SLC35F1: variants seen among roughly 807,000 people sequenced by gnomAD.
SLC35F1 encodes the protein chromosome 6 open reading frame 169.
SLC35F1 carries 14 observed loss-of-function variants against 48.7 expected under a neutral mutation model. That is an observed-to-expected ratio of 0.29 (90% CI 0.19 to 0.45). The LOEUF (loss-of-function observed/expected upper bound fraction) is 0.45. Among genes scored for constraint, SLC35F1 ranks in the 20% least tolerant of loss-of-function variants. The pLI is 1.00. For missense variants in SLC35F1, 404 were observed against 500.0 expected, an observed-to-expected ratio of 0.81 and a Z score of 1.83; for synonymous variants, 190 against 202.2, an observed-to-expected ratio of 0.94 and a Z score of 0.51.
chr6:118,236,305 A>G (rs893526655), intron 3 of SLC35F1, among the ~76,000 whole-genome samples: 2 of 152,196 alleles, frequency 1.3e-5, no homozygotes, highest in African/African-American at 4.8e-5. Flanking sequence ...ACAGACATAT[A>G]TATTCCTCAT....
intron 1 of SLC35F1, among the ~76,000 whole-genome samples, chr6:118,140,583 G>C (rs1773872414): frequency 7.2e-6 from 1 of 138,774 alleles, no homozygotes; most frequent in South Asian, 2.5e-4. Flanking sequence ...TAATCTTTTA[G>C]AGTGTATTCC....
chr6:117,911,832 C>T (rs1198956180), intron 1 of SLC35F1, among the ~76,000 whole-genome samples: 1 of 152,132 alleles, frequency 6.6e-6, no homozygotes, highest in Non-Finnish European at 1.5e-5. Context: ...TCAAGGGCAA[C>T]AGTTGATGAC....
chr6:118,160,659 G>T lies in SLC35F1; in HGVS notation c.349+6039G>T, dbSNP rs151054250. ...GTTAATTGTAAGTGCGAAGACTGAA[G>T]CAAGGAAGTTAGTTAGGTATTCAAG... On this transcript the variant is annotated intron_variant, in intron 2 of 7. Transcript: ENST00000360388. Among the ~76,000 whole-genome samples the T allele has an allele frequency of 2.0e-4, 31 of 152,304 alleles. No individual in the cohort carries two copies. In the East Asian group the frequency reaches 6.0e-3, roughly 29 times the overall value.
intron 7 of SLC35F1, among the ~76,000 whole-genome samples, chr6:118,300,223 G>C (rs1212716297): frequency 1.3e-5 from 2 of 152,038 alleles, no homozygotes; most frequent in Admixed American, 1.3e-4. Flanking sequence ...TATTTAGATA[G>C]CATCTGTATT....
At chr6:117,996,918 G>C (rs1777001001) in intron 1 of SLC35F1, among the ~76,000 whole-genome samples, 1 of 152,252 alleles carries the variant, frequency 6.6e-6, no homozygotes. Context: ...AACAAAGCTG[G>C]ACGGAGAATG....
At chr6:117,914,489 A>G (rs1775803979) in intron 1 of SLC35F1, among the ~76,000 whole-genome samples, 1 of 152,176 alleles carries the variant, frequency 6.6e-6, no homozygotes, top group Admixed American at 6.5e-5. Context: ...TCTGTCGTAT[A>G]AGATAGATCT....
intron 1 of SLC35F1, among the ~76,000 whole-genome samples, chr6:117,954,989 A>G (rs1047132050): frequency 2.0e-5 from 3 of 152,242 alleles, no homozygotes; most frequent in Non-Finnish European, 2.9e-5. Flanking sequence ...TTGAACTCCA[A>G]TTAGCCTTAA....
intron 1 of SLC35F1, among the ~76,000 whole-genome samples, chr6:117,932,746 C>T (rs1325170175): frequency 6.6e-6 from 1 of 152,110 alleles, no homozygotes; most frequent in African/African-American, 2.4e-5. Flanking sequence ...CTTGGAGTAA[C>T]TTGGAGTTGA....
At chr6:118,092,502 C>T (rs146683946) in intron 1 of SLC35F1, among the ~76,000 whole-genome samples, 2,766 of 152,316 alleles carry the variant, frequency 0.018, 93 homozygotes, top group African/African-American at 0.063. Context: ...CACAGAGTCC[C>T]CACTGGGGCA....
intron 1 of SLC35F1, among the ~76,000 whole-genome samples, chr6:117,952,029 CCTT>C (rs1174251479): frequency 1.3e-5 from 2 of 152,224 alleles, no homozygotes; most frequent in Non-Finnish European, 1.5e-5. Flanking sequence ...CATGCTGTGT[CCTT>C]CTGCAGAGCA....
At chr6:118,266,969 T>C (rs778425095) in intron 3 of SLC35F1, 26 bp from the exon 4 acceptor site, 1 of 1,611,634 alleles carries the variant, frequency 6.2e-7, no homozygotes, top group South Asian at 1.1e-5. Flanking sequence ...TCTCCTGTTG[T>C]TGTTTACCTT....
intron 1 of SLC35F1, among the ~76,000 whole-genome samples, chr6:117,919,371 G>A (rs1693657332): frequency 6.6e-6 from 1 of 152,154 alleles, no homozygotes; most frequent in African/African-American, 2.4e-5. Flanking sequence ...TTTCCCCTTG[G>A]ATGTTTGGGA....
chr6:118,268,355 A>G (rs377646209), intron 4 of SLC35F1, among the ~76,000 whole-genome samples: 1 of 152,000 alleles, frequency 6.6e-6, no homozygotes, highest in Non-Finnish European at 1.5e-5. Flanking sequence ...CCATCTACAC[A>G]ACACCATCAG....
chr6:118,152,969 C>T (rs973768067), intron 1 of SLC35F1, among the ~76,000 whole-genome samples: 12 of 152,180 alleles, frequency 7.9e-5, no homozygotes, highest in African/African-American at 2.9e-4. Context: ...ATTCAGAGGT[C>T]AGGAGCCAGT....
intron 7 of SLC35F1, among the ~76,000 whole-genome samples, chr6:118,301,486 G>A (rs191843453): frequency 6.6e-6 from 1 of 152,100 alleles, no homozygotes; most frequent in African/African-American, 2.4e-5. Context: ...CAGTGTTAAG[G>A]GGGGGTATGA....
intron 2 of SLC35F1, among the ~76,000 whole-genome samples, chr6:118,232,613 G>A (rs1171566356): frequency 6.6e-6 from 1 of 151,610 alleles, no homozygotes; most frequent in African/African-American, 2.4e-5. Context: ...CCAGTCTAGG[G>A]TACTAAGAGT....
chr6:118,274,927 T>A (rs1053323174), intron 4 of SLC35F1, among the ~76,000 whole-genome samples: 1 of 152,180 alleles, frequency 6.6e-6, no homozygotes, highest in Admixed American at 6.5e-5. Flanking sequence ...GGTGGAAATG[T>A]ATACTGATTC....
intron 1 of SLC35F1, among the ~76,000 whole-genome samples, chr6:118,095,408 T>C (rs1304208735): frequency 1.3e-5 from 2 of 152,094 alleles, no homozygotes; most frequent in East Asian, 3.9e-4. Context: ...ATCTGTACAG[T>C]CCAGATGATA....
At chr6:118,217,815 T>C (rs1775095645) in intron 2 of SLC35F1, among the ~76,000 whole-genome samples, 1 of 152,180 alleles carries the variant, frequency 6.6e-6, no homozygotes, top group Admixed American at 6.5e-5. Context: ...TGGTAGGATA[T>C]TGCAAGATCA....
Sources: gnomAD v4.1 joint callset for allele counts (sites outside exome capture counted in the v4.1 genomes callset) on GRCh38, gnomAD v4.1.1 for gene constraint, MANE v1.5 for transcripts, NCBI Gene and HGNC (gene_info 2026-07-23, HGNC 2026-07-21) for gene names.